Variants in ALCAM observed in about 807,000 individuals in gnomAD.
The protein encoded by ALCAM is activated leukocyte cell adhesion molecule.
A neutral mutation model predicts 70.9 loss-of-function variants in ALCAM; 30 were observed. That is an observed-to-expected ratio of 0.42 (90% CI 0.32 to 0.57). The LOEUF (loss-of-function observed/expected upper bound fraction) is 0.57, where lower values mean the gene tolerates loss of function less well. ALCAM is among the 20% of genes least tolerant of loss of function. ALCAM has a pLI of 0.11. For missense variants in ALCAM, 591 were observed against 695.1 expected (o/e 0.85, Z 1.68); for synonymous variants, 249 against 242.5 (o/e 1.03, Z -0.25).
chr3:105,499,427 T>G (rs1259404161), intron 1 of ALCAM, among the ~76,000 whole-genome samples: 3 of 152,214 alleles, frequency 2.0e-5, no homozygotes, highest in Admixed American at 1.3e-4. Flanking sequence ...ATAGGCCTAG[T>G]AATAAAGTTT....
In ALCAM at chr3:105,540,079, G is replaced by T. The variant is rs1409380546; in HGVS notation, c.835G>T (p.Glu279Ter). Residue 279 changes from glutamate (E) to a stop codon, truncating the protein, a stop_gained, in exon 7 of 16, where the codon GAG becomes TAG. Coordinates refer to ENST00000306107, the MANE Select transcript of ALCAM (RefSeq NM_001627.4). LOFTEE classifies it high-confidence loss of function. Reference protein sequence around the residue: ...KCLGNGNPPPEEFLFYLPGQP... With the variant: ...KCLGNGNPPP ...CTTAGGGAATGGCAACCCTCCCCCA[G>T]AGGAATTTTTGTTTTACTTACCAGT... is the stretch of plus-strand genomic sequence containing the variant. 1 of 1,611,782 alleles carries T rather than the reference G, an allele frequency of 6.2e-7. No homozygotes were observed.
chr3:105,502,919 T>C (rs978842648), intron 1 of ALCAM, among the ~76,000 whole-genome samples: 1 of 152,232 alleles, frequency 6.6e-6, no homozygotes, highest in Admixed American at 6.5e-5. Flanking sequence ...CAGAAACTTC[T>C]CTTAAAAAGA....
intron 1 of ALCAM, among the ~76,000 whole-genome samples, chr3:105,436,087 C>T (rs1937042695): frequency 6.6e-6 from 1 of 152,194 alleles, no homozygotes. Context: ...GAGACCCATT[C>T]ACTGTCACAA....
chr3:105,424,733 G>C (rs959384223), intron 1 of ALCAM, among the ~76,000 whole-genome samples: 3 of 151,686 alleles, frequency 2.0e-5, no homozygotes, highest in Non-Finnish European at 2.9e-5. Flanking sequence ...TAGGAATCTA[G>C]GTGTGAGGTC....
At chr3:105,461,121 A>G (rs1177837524) in intron 1 of ALCAM, among the ~76,000 whole-genome samples, 1 of 151,800 alleles carries the variant, frequency 6.6e-6, no homozygotes, top group Non-Finnish European at 1.5e-5. Flanking sequence ...GACAGAGAAC[A>G]TACATACATA....
chr3:105,540,762 G>T (rs1314943577), intron 7 of ALCAM, among the ~76,000 whole-genome samples: 1 of 151,980 alleles, frequency 6.6e-6, no homozygotes, highest in Non-Finnish European at 1.5e-5. Flanking sequence ...ATTGAGGGAA[G>T]CCATAATGCA....
At chr3:105,376,393 A>G (rs1935379296) in intron 1 of ALCAM, among the ~76,000 whole-genome samples, 1 of 152,216 alleles carries the variant, frequency 6.6e-6, no homozygotes, top group Admixed American at 6.5e-5. Flanking sequence ...ACCTGTAAAG[A>G]ACCTAAAAAT....
chr3:105,465,266 G>A (rs1473932479), intron 1 of ALCAM, among the ~76,000 whole-genome samples: 1 of 151,408 alleles, frequency 6.6e-6, no homozygotes, highest in Non-Finnish European at 1.5e-5. Flanking sequence ...GTAACACGAT[G>A]TGCAAACATA....
intron 1 of ALCAM, among the ~76,000 whole-genome samples, chr3:105,499,093 C>G (rs1403423470): frequency 6.6e-6 from 1 of 152,034 alleles, no homozygotes; most frequent in Non-Finnish European, 1.5e-5. Context: ...TACAATATCA[C>G]TAGATATCTT....
At chr3:105,514,574 T>C (rs1939330216) in intron 1 of ALCAM, among the ~76,000 whole-genome samples, 1 of 152,014 alleles carries the variant, frequency 6.6e-6, no homozygotes, top group Non-Finnish European at 1.5e-5. Flanking sequence ...TATTGGCTTA[T>C]TGTTTAATAA....
chr3:105,449,631 T>C (rs1937378951), intron 1 of ALCAM, among the ~76,000 whole-genome samples: 1 of 152,230 alleles, frequency 6.6e-6, no homozygotes, highest in African/African-American at 2.4e-5. Context: ...CTATTCATCC[T>C]ATTAGCAATC....
intron 14 of ALCAM, among the ~76,000 whole-genome samples, chr3:105,559,594 G>C (rs1229439122): frequency 1.3e-5 from 2 of 152,020 alleles, no homozygotes; most frequent in African/African-American, 4.8e-5. Flanking sequence ...TTAATCATGT[G>C]ATGGTCATAT....
intron 11 of ALCAM, 133 bp from the exon 12 acceptor site, chr3:105,549,994 A>G (rs1004776736): frequency 4.6e-6 from 3 of 656,376 alleles, no homozygotes; most frequent in African/African-American, 3.7e-5. Flanking sequence ...TTGATCTATG[A>G]TCTTACATAG....
At chr3:105,475,589 A>G (rs988461697) in intron 1 of ALCAM, among the ~76,000 whole-genome samples, 13 of 152,006 alleles carry the variant, frequency 8.6e-5, no homozygotes, top group African/African-American at 3.1e-4. Context: ...ACGAACACAT[A>G]ATTTGGTAGT....
At chr3:105,398,270 A>G (rs1052600989) in intron 1 of ALCAM, among the ~76,000 whole-genome samples, 7 of 152,082 alleles carry the variant, frequency 4.6e-5, no homozygotes, top group African/African-American at 1.7e-4. Flanking sequence ...TGACCCATGC[A>G]TGCCCACTGC....
chr3:105,441,099 A>T (rs1225463203), intron 1 of ALCAM, among the ~76,000 whole-genome samples: 2 of 152,186 alleles, frequency 1.3e-5, no homozygotes, highest in Non-Finnish European at 2.9e-5. Context: ...GGTTCTACCC[A>T]TCAATCATAA....
chr3:105,426,424 A>T (rs1334708442), intron 1 of ALCAM, among the ~76,000 whole-genome samples: 1 of 151,960 alleles, frequency 6.6e-6, no homozygotes, highest in Non-Finnish European at 1.5e-5. Flanking sequence ...GTTTTGATAA[A>T]TGTATAAATT....
At chr3:105,457,732 A>G (rs774834011) in intron 1 of ALCAM, among the ~76,000 whole-genome samples, 9 of 152,062 alleles carry the variant, frequency 5.9e-5, no homozygotes, top group Non-Finnish European at 1.2e-4. Context: ...AAACAGGGAG[A>G]TGTCAAATGG....
chr3:105,402,669 C>T (rs1936118008), intron 1 of ALCAM, among the ~76,000 whole-genome samples: 1 of 151,992 alleles, frequency 6.6e-6, no homozygotes, highest in Non-Finnish European at 1.5e-5. Flanking sequence ...GCCATAATCC[C>T]CCTTGGAATG....
Sources: gnomAD v4.1 joint callset for allele counts (sites outside exome capture counted in the v4.1 genomes callset) on GRCh38, gnomAD v4.1.1 for gene constraint, MANE v1.5 for transcripts, NCBI Gene and HGNC (gene_info 2026-07-23, HGNC 2026-07-21) for gene names.